Variants in RRAGD observed in about 807,000 individuals in gnomAD.
RRAGD encodes the protein Ras related GTP binding D.
In RRAGD, 12 loss-of-function variants were observed where a neutral mutation model predicts 35.5. That is an observed-to-expected ratio of 0.34 (90% confidence interval 0.22 to 0.55). The LOEUF (loss-of-function observed/expected upper bound fraction) is 0.55, where lower values mean the gene tolerates loss of function less well. RRAGD is among the 20% of genes least tolerant of loss of function. The pLI is 0.91. For synonymous variants in RRAGD, 155 were observed against 178.9 expected, an observed-to-expected ratio of 0.87 and a Z score of 1.07; for missense variants, 324 against 490.1, an observed-to-expected ratio of 0.66 and a Z score of 3.20.
chr6:89,403,377 G>A (rs1345114443), intron 1 of RRAGD, among the ~76,000 whole-genome samples: 4 of 151,932 alleles, frequency 2.6e-5, no homozygotes, highest in Non-Finnish European at 4.4e-5. Context: ...CCCAGGAGGC[G>A]GAGCTTGCAG....
intron 1 of RRAGD, among the ~76,000 whole-genome samples, chr6:89,405,118 A>T (rs1562467316): frequency 6.6e-6 from 1 of 152,152 alleles, no homozygotes; most frequent in Non-Finnish European, 1.5e-5. Flanking sequence ...TGGGAGGCCA[A>T]GGTGGGCGGA....
Position 89,368,001 on chromosome 6 carries a change from G to A in RRAGD, c.*55C>T. On this transcript the variant is annotated 3_prime_UTR_variant, in exon 7 of 7. Coordinates refer to ENST00000369415, the MANE Select transcript of RRAGD (RefSeq NM_021244.5). ...CTTCCTCTTCCTTTAGTGCAACATG[G>A]CGCAGCAGCCTCATGGATAAGGTCT... is the stretch of plus-strand genomic sequence containing the variant. The A allele has an allele frequency of 6.8e-7, 1 of 1,468,272 alleles. No individual in the cohort carries two copies. Among genetic ancestry groups the A allele is most frequent in the Non-Finnish European group, 9.2e-7 (1 of 1,091,694 alleles). 91.0% of individuals were successfully genotyped at this position (1,468,272 alleles called of 1,614,324 possible).
At chr6:89,402,195 G>A (rs567759131) in intron 1 of RRAGD, among the ~76,000 whole-genome samples, 7 of 151,760 alleles carry the variant, frequency 4.6e-5, no homozygotes, top group East Asian at 1.9e-4. Context: ...TTACAGGCAC[G>A]CACCAGCACA....
chr6:89,392,772 A>C (rs2127893165), intron 1 of RRAGD, among the ~76,000 whole-genome samples: 1 of 152,340 alleles, frequency 6.6e-6, no homozygotes, highest in South Asian at 2.1e-4. Flanking sequence ...GCAAACATAC[A>C]TATTTCAGAT....
Position 89,368,074 on chromosome 6 carries a change from G to T in RRAGD, c.1185C>A (p.Thr395=). 6.2e-7 allele frequency: 1 copy of T among 1,612,502 alleles called. No individual in the cohort carries two copies. The highest frequency in any genetic ancestry group is 1.3e-5 in the African/African-American group (1 of 74,802). The change falls in exon 7 of 7, where the codon ACC becomes ACA. Residue 395 remains threonine (T), a synonymous_variant. Transcript: ENST00000369415. The part of the protein sequence containing the change: ...QKKKRATPNG[T]PRVLL ...ACCTCACCTACAGCAGCACTCTAGG[G>T]GTCCCATTAGGGGTGGCTCTCTTTT...
At position 89,411,199 on chromosome 6, in the gene RRAGD, G is replaced by A. The variant is rs1769685014; in HGVS notation, c.148+647C>T. On this transcript the variant is annotated intron_variant, in intron 1 of 6. Coordinates refer to ENST00000369415, the MANE Select transcript of RRAGD (RefSeq NM_021244.5). This position sits in a 1 kb window ranked among gnomAD's most constrained non-coding sequence, Gnocchi z 5.6. ...GGGCAGGCACTGCCATGTCCAGGTG[G>A]TGATACCGAGAGCAGATAAGGTGTC... 1 of 152,122 alleles carries A rather than the reference G, an allele frequency of 6.6e-6. No homozygotes were observed. Among genetic ancestry groups the A allele is most frequent in the Admixed American group, 6.5e-5 (1 of 15,278 alleles). 9.4% of individuals were successfully genotyped at this position (152,122 alleles called of 1,614,324 possible).
At chr6:89,385,815 A>C (rs747592402) in intron 2 of RRAGD, among the ~76,000 whole-genome samples, 2 of 152,196 alleles carry the variant, frequency 1.3e-5, no homozygotes, top group Non-Finnish European at 2.9e-5. Flanking sequence ...AAATGCAGCC[A>C]CTTGGAACTG....
At position 89,372,523 on chromosome 6, in the gene RRAGD, T is replaced by C; in HGVS notation, c.965A>G (p.Asn322Ser). 6.2e-7 allele frequency: 1 copy of C among 1,607,210 alleles called. No individual in the cohort carries two copies. Among genetic ancestry groups the C allele is most frequent in the Non-Finnish European group, 8.5e-7 (1 of 1,177,502 alleles). The part of the protein sequence containing the change: ...DKESTAIIKL[N>S]NTTVLYLKEV... ...TTTTAAATAAAGCACGGTTGTATTA[T>C]TAAGCTTTATGATGGCTGTGGATTC... Residue 322 changes from asparagine to serine, a missense_variant, in exon 6 of 7, where the codon AAT becomes AGT. Coordinates refer to ENST00000369415, the MANE Select transcript of RRAGD (RefSeq NM_021244.5).
intron 2 of RRAGD, 22 bp from the exon 3 acceptor site, chr6:89,380,389 G>A (rs1360434043): frequency 6.2e-7 from 1 of 1,608,024 alleles, no homozygotes; most frequent in African/African-American, 1.3e-5. Context: ...GGCAACGCCT[G>A]TGAGAGAAGG....
At chr6:89,384,533 T>A (rs1232551259) in intron 2 of RRAGD, among the ~76,000 whole-genome samples, 1 of 151,946 alleles carries the variant, frequency 6.6e-6, no homozygotes, top group African/African-American at 2.4e-5. Flanking sequence ...AGTATAACTT[T>A]AGGCCAGGCG....
At chr6:89,369,655 T>C (rs1320692372) in intron 6 of RRAGD, among the ~76,000 whole-genome samples, 2 of 152,174 alleles carry the variant, frequency 1.3e-5, no homozygotes, top group African/African-American at 2.4e-5. Context: ...TCCTTCCACT[T>C]TGGCCTCCCA....
At position 89,372,464 on chromosome 6, in the gene RRAGD, C is replaced by G. The variant is rs1251412891; in HGVS notation, c.1024G>C (p.Val342Leu). The G allele has an allele frequency of 6.2e-7, 1 of 1,613,536 alleles. No homozygotes were observed. Among genetic ancestry groups the G allele is most frequent in the African/African-American group, 1.3e-5 (1 of 74,864 alleles). ...VTKFLALVCF[V>L]REESFERKGL... ...TTTCTTTCAAAGCTTTCCTCTCTGA[C>G]AAAGCAAACGAGAGCCAGGAACTTT... The change falls in exon 6 of 7, where the codon GTC (valine) becomes CTC (leucine). Residue 342 changes from valine (V) to leucine (L), a missense_variant. Val to Leu is a conservative substitution (Grantham distance 32). Around this residue, in one of 5 missense-constraint regions of RRAGD, gnomAD observed 68 missense variants for 76.8 expected, o/e 0.89. Coordinates refer to ENST00000369415, the MANE Select transcript of RRAGD (RefSeq NM_021244.5).
At position 89,411,360 on chromosome 6, in the gene RRAGD, C is replaced by G. The variant is rs1769688056; in HGVS notation, c.148+486G>C. 6.5e-6 allele frequency: 1 copy of G among 152,740 alleles called. No homozygotes were observed. The highest frequency in any genetic ancestry group is 1.5e-5 in the Non-Finnish European group (1 of 68,376). 9.5% of individuals were successfully genotyped at this position (152,740 alleles called of 1,614,324 possible). On this transcript the variant is annotated intron_variant, in intron 1 of 6. Transcript: ENST00000369415. This position sits in a 1 kb window ranked among gnomAD's most constrained non-coding sequence, Gnocchi z 5.6. ...TGGGTGGGCCCCTCCCGCGGCGACGCGGGGCGAGACTGACACCCGCAGCTG... is the reference window on the plus strand; with the variant it reads ...TGGGTGGGCCCCTCCCGCGGCGACGGGGGGCGAGACTGACACCCGCAGCTG...
chr6:89,385,923 A>G (rs1479356332), intron 2 of RRAGD, among the ~76,000 whole-genome samples: 1 of 152,054 alleles, frequency 6.6e-6, no homozygotes, highest in Non-Finnish European at 1.5e-5. Context: ...TACTCAGAGG[A>G]TGGTTCTCGA....
intron 6 of RRAGD, among the ~76,000 whole-genome samples, chr6:89,369,001 A>G (rs763184088): frequency 7.9e-5 from 12 of 151,446 alleles, no homozygotes; most frequent in Non-Finnish European, 1.3e-4. Context: ...ATTTATTAAA[A>G]TAACTAGCCC....
At chr6:89,374,706 G>T (rs9362647) in intron 5 of RRAGD, among the ~76,000 whole-genome samples, 6,063 of 151,634 alleles carry the variant, frequency 0.04, 353 homozygotes, top group East Asian at 0.27. Flanking sequence ...CTCCAGCCTG[G>T]GCAACAAGAG....
Position 89,411,082 on chromosome 6 carries a change from A to C in RRAGD, c.148+764T>G, listed in dbSNP as rs532636857. ...TAAGAAAATGCAGGAAGCCCCCACA[A>C]GCTGAACGATTGCTAAAACCCGCTT... On this transcript the variant is annotated intron_variant, in intron 1 of 6. Transcript: ENST00000369415. This position sits in a 1 kb window ranked among gnomAD's most constrained non-coding sequence, Gnocchi z 5.6. Among the ~76,000 whole-genome samples the C allele has an allele frequency of 6.6e-6, 1 of 152,336 alleles. No individual in the cohort carries two copies. Among genetic ancestry groups the C allele is most frequent in the Non-Finnish European group, 1.5e-5 (1 of 68,032 alleles).
At chr6:89,409,144 C>A (rs1203742052) in intron 1 of RRAGD, among the ~76,000 whole-genome samples, 1 of 152,240 alleles carries the variant, frequency 6.6e-6, no homozygotes, top group African/African-American at 2.4e-5. Context: ...ATTTACAAGG[C>A]ATACTCGGTT....
chr6:89,410,912 G>A (rs1428777427), intron 1 of RRAGD, among the ~76,000 whole-genome samples: 1 of 152,134 alleles, frequency 6.6e-6, no homozygotes, highest in Non-Finnish European at 1.5e-5. Flanking sequence ...CAGTTTCACT[G>A]AGAATAACAT....
Sources: allele counts gnomAD v4.1 joint callset (sites outside exome capture counted in the v4.1 genomes callset), GRCh38; gene constraint gnomAD v4.1.1; regional missense constraint gnomAD v4.1.1; non-coding constraint Gnocchi (gnomAD v3.1); transcripts MANE v1.5; gene names NCBI Gene and HGNC (gene_info 2026-07-23, HGNC 2026-07-21).